The following GRID2 variants were observed in gnomAD, a reference collection of about 807,000 sequenced individuals.
The protein encoded by GRID2 is glutamate ionotropic receptor delta type subunit 2, also known as glutamate receptor ionotropic, delta-2.
GRID2 carries 33 observed loss-of-function variants against 114.8 expected under a neutral mutation model. The ratio of observed to expected loss-of-function variants is 0.29; its 90% CI spans 0.22 to 0.38. The LOEUF (loss-of-function observed/expected upper bound fraction) is 0.38. Ranked by LOEUF, GRID2 falls within the 10% of genes least tolerant of loss-of-function variation. GRID2 has a pLI of 1.00. For synonymous variants in GRID2, 505 were observed against 449.9 expected (o/e 1.12, Z -1.55); for missense variants, 1,184 against 1,257.7 (o/e 0.94, Z 0.89).
intron 2 of GRID2, among the ~76,000 whole-genome samples, chr4:92,725,494 C>A (rs1736025768): frequency 6.6e-6 from 1 of 152,088 alleles, no homozygotes; most frequent in Non-Finnish European, 1.5e-5. Flanking sequence ...AAGTCTCATT[C>A]AGTTAAAAGC....
chr4:93,389,317 AAAT>A (rs1455709931), intron 8 of GRID2, among the ~76,000 whole-genome samples: 1 of 152,190 alleles, frequency 6.6e-6, no homozygotes, highest in Non-Finnish European at 1.5e-5. Context: ...TTATTAGAAA[AAAT>A]AATAATATTG....
intron 8 of GRID2, among the ~76,000 whole-genome samples, chr4:93,240,165 T>C (rs554362806): frequency 6.6e-6 from 1 of 151,782 alleles, no homozygotes; most frequent in Admixed American, 6.6e-5. Flanking sequence ...GAAGTAGAAC[T>C]GCCTGCAATA....
intron 2 of GRID2, among the ~76,000 whole-genome samples, chr4:92,680,808 A>G (rs1349597505): frequency 6.6e-6 from 1 of 152,196 alleles, no homozygotes; most frequent in African/African-American, 2.4e-5. Flanking sequence ...CACAAAGAGA[A>G]TCACAAAAGA....
chr4:93,498,916 T>C (rs1727829880), intron 12 of GRID2, among the ~76,000 whole-genome samples: 2 of 151,946 alleles, frequency 1.3e-5, no homozygotes, highest in Admixed American at 6.6e-5. Flanking sequence ...AAGTTTTTTA[T>C]TGTAGATATT....
At chr4:92,762,410 T>C (rs1738061402) in intron 2 of GRID2, among the ~76,000 whole-genome samples, 1 of 151,808 alleles carries the variant, frequency 6.6e-6, no homozygotes, top group Non-Finnish European at 1.5e-5. Flanking sequence ...GACTCTTTTA[T>C]CTGTCACTTT....
intron 1 of GRID2, among the ~76,000 whole-genome samples, chr4:92,532,330 A>T (rs1054523604): frequency 6.6e-6 from 1 of 152,188 alleles, no homozygotes; most frequent in Admixed American, 6.6e-5. Flanking sequence ...TTGAGGAAAA[A>T]GCAAAGTTTG....
At chr4:93,308,184 A>G (rs1034534531) in intron 8 of GRID2, among the ~76,000 whole-genome samples, 1 of 152,198 alleles carries the variant, frequency 6.6e-6, no homozygotes, top group Middle Eastern at 3.2e-3. Context: ...GTTGCTCTGC[A>G]TACCCCCTTT....
Position 92,350,445 on chromosome 4 carries a change from G to T in GRID2, c.88+45701G>T, listed in dbSNP as rs146138557. 3.8e-4 allele frequency among the ~76,000 whole-genome samples: 57 copies of T among 151,750 alleles called. No homozygotes were observed. The East Asian group carries it at 8.7e-3, about 23-fold the overall frequency. ...AAAATCACTTCAGAAAAGTTTTCTT[G>T]AATTATAATTTTAAACATTTGTTCT... On this transcript the variant is annotated intron_variant, in intron 1 of 15. Coordinates refer to ENST00000282020, the MANE Select transcript of GRID2 (RefSeq NM_001510.4).
chr4:93,746,713 T>C (rs1731867340), intron 14 of GRID2, among the ~76,000 whole-genome samples: 1 of 152,148 alleles, frequency 6.6e-6, no homozygotes. Flanking sequence ...TACAATATAT[T>C]GCAATACAAT....
chr4:92,440,681 C>T (rs916164347), intron 1 of GRID2, among the ~76,000 whole-genome samples: 1 of 151,930 alleles, frequency 6.6e-6, no homozygotes, highest in Non-Finnish European at 1.5e-5. Context: ...CCTGCCTTTG[C>T]TGGTGTGTGG....
intron 2 of GRID2, among the ~76,000 whole-genome samples, chr4:93,031,627 G>A (rs1353219227): frequency 6.6e-6 from 1 of 151,928 alleles, no homozygotes; most frequent in East Asian, 1.9e-4. Context: ...TTTATAAGGG[G>A]GAATTTCCCC....
chr4:92,544,096 T>C (rs1448145166), intron 1 of GRID2, among the ~76,000 whole-genome samples: 2 of 152,156 alleles, frequency 1.3e-5, no homozygotes, highest in Non-Finnish European at 2.9e-5. Context: ...TCATGCTTAG[T>C]GGCTGGCAGA....
At chr4:92,905,173 T>C (rs1747853305) in intron 2 of GRID2, among the ~76,000 whole-genome samples, 1 of 152,040 alleles carries the variant, frequency 6.6e-6, no homozygotes, top group Non-Finnish European at 1.5e-5. Context: ...GTACTGACGA[T>C]CATATATTAG....
chr4:92,843,397 G>A (rs1743059609), intron 2 of GRID2, among the ~76,000 whole-genome samples: 1 of 152,046 alleles, frequency 6.6e-6, no homozygotes, highest in Non-Finnish European at 1.5e-5. Context: ...GAAAATTAGT[G>A]TGGGCCCTGT....
Position 92,951,709 on chromosome 4 carries a change from C to G in GRID2, c.245-133286C>G, listed in dbSNP as rs537153452. 4.3e-4 allele frequency among the ~76,000 whole-genome samples: 66 copies of G among 152,236 alleles called. 2 individuals carry two copies. In the South Asian group the frequency reaches 0.013, roughly 30 times the overall value. ...AATTCATGCCAAGCCATTAGTTTTGCACCAAACTGTGTGACCCAAACACCC... is the reference window on the plus strand; with the variant it reads ...AATTCATGCCAAGCCATTAGTTTTGGACCAAACTGTGTGACCCAAACACCC... On this transcript the variant is annotated intron_variant, in intron 2 of 15. Transcript: ENST00000282020.
chr4:92,585,094 T>C (rs10856893), intron 1 of GRID2, among the ~76,000 whole-genome samples: 57,649 of 151,716 alleles, frequency 0.38, 10,955 homozygotes, highest in Middle Eastern at 0.46. Context: ...AAGAGCACAG[T>C]GGCTTGGCTT....
intron 1 of GRID2, among the ~76,000 whole-genome samples, chr4:92,572,578 A>G (rs147902777): frequency 0.038 from 5,798 of 152,214 alleles, 130 homozygotes; most frequent in Middle Eastern, 0.088. Context: ...CAGAGATACA[A>G]CAAAAAAAGA....
rs567943609 is a variant in GRID2 at position 92,579,213 on chromosome 4, C to T, written c.89-10918C>T. 2.0e-5 allele frequency among the ~76,000 whole-genome samples: 3 copies of T among 152,012 alleles called. No homozygotes were observed. The East Asian group carries it at 5.8e-4, about 29-fold the overall frequency. On this transcript the variant is annotated intron_variant, in intron 1 of 15. Coordinates refer to ENST00000282020, the MANE Select transcript of GRID2 (RefSeq NM_001510.4). Reference sequence around the variant, plus strand: ...TGGTAAATTACTTAATATCAAGTTCCATAAGTAAACATTCTTGCTGGACAT... The same window carrying T: ...TGGTAAATTACTTAATATCAAGTTCTATAAGTAAACATTCTTGCTGGACAT...
chr4:93,258,430 T>G (rs1044422683), intron 8 of GRID2, among the ~76,000 whole-genome samples: 1 of 151,552 alleles, frequency 6.6e-6, no homozygotes, highest in Non-Finnish European at 1.5e-5. Context: ...ATTAAGAAAA[T>G]TATATTGGAG....
Sources: allele counts gnomAD v4.1 joint callset (sites outside exome capture counted in the v4.1 genomes callset), GRCh38; gene constraint gnomAD v4.1.1; transcripts MANE v1.5; gene names NCBI Gene and HGNC (gene_info 2026-07-23, HGNC 2026-07-21).